Variants in PSG4 observed in about 807,000 individuals in gnomAD.
PSG4 encodes pregnancy specific beta-1-glycoprotein 4, also known as pregnancy-specific beta-1-glycoprotein 4.
PSG4 carries 61 observed loss-of-function variants against 44.3 expected under a neutral mutation model. The observed-to-expected ratio is 1.38, with a 90% CI of 1.12 to 1.70. The LOEUF (loss-of-function observed/expected upper bound fraction) is 1.70. PSG4 is among the 40% of genes most tolerant of loss of function. The probability of loss-of-function intolerance (pLI) is 0.00; values close to 1 mark genes in which losing one functional copy is unlikely to be tolerated. For missense variants in PSG4, 677 were observed against 511.7 expected (o/e 1.32, Z -3.12); for synonymous variants, 248 against 191.3 (o/e 1.30, Z -2.45).
chr19:43,193,376 G>A lies in PSG4; in HGVS notation c.1256C>T (p.Pro419Leu), dbSNP rs760415253. The change falls in exon 6 of 6, where the codon CCC (proline) becomes CTC (leucine). Residue 419 changes from proline (P) to leucine (L), a missense_variant. Physicochemically the swap from Pro to Leu is moderately conservative, Grantham distance 98. Coordinates refer to ENST00000405312, the MANE Select transcript of PSG4 (RefSeq NM_002780.5). ...ITVKVSDWIL[P>L] The stretch of plus-strand genomic sequence containing the variant: ...AATTGGAGGAACTAGTAGAATTCAG[G>A]GTAATATCCAGTCTACAGGTGGATA... 4 of 773,462 alleles carry A rather than the reference G, an allele frequency of 5.2e-6. No homozygotes were observed. Among genetic ancestry groups the A allele is most frequent in the Non-Finnish European group, 7.2e-6 (3 of 417,596 alleles). The allele number at this position is 773,462 out of a possible 1,614,324, so 47.9% of individuals were successfully genotyped here.
Position 43,193,313 on chromosome 19 carries a change from G to A in PSG4, c.*59C>T, listed in dbSNP as rs1313243441. On this transcript the variant is annotated 3_prime_UTR_variant, in exon 6 of 6. Transcript: ENST00000405312. ...CAGCTTATAGGGCTTCTGGAACAGA[G>A]TGGGTCTTGCTCTTCGTGATTCCAT... 1 of 774,818 alleles carries A rather than the reference G, an allele frequency of 1.3e-6. No individual in the cohort carries two copies. The highest frequency in any genetic ancestry group is 2.4e-5 in the East Asian group (1 of 41,258). 48.0% of individuals were successfully genotyped at this position (774,818 alleles called of 1,614,324 possible).
Position 43,198,254 on chromosome 19 carries a change from A to G in PSG4, c.452T>C (p.Ile151Thr), listed in dbSNP as rs779647600. The change falls in exon 3 of 6, where the codon ATC becomes ACC. Residue 151 changes from isoleucine to threonine, a missense_variant. Coordinates refer to ENST00000405312, the MANE Select transcript of PSG4 (RefSeq NM_002780.5). Reference sequence around the variant, plus strand: ...CCTGGGATTTAAGTTGCTGCTGGAGATGGAGGGCTTGGGAGTCTCCACTGT... The same window carrying G: ...CCTGGGATTTAAGTTGCTGCTGGAGGTGGAGGGCTTGGGAGTCTCCACTGT... The part of the protein sequence containing the change: ...TLHLETPKPS[I>T]SSSNLNPREA... 3 of 1,586,756 alleles carry G rather than the reference A, an allele frequency of 1.9e-6. 1 individual carries two copies. Among genetic ancestry groups the G allele is most frequent in the African/African-American group, 1.4e-5 (1 of 69,370 alleles).
chr19:43,194,701 G>C, intron 4 of PSG4, 107 bp from the exon 5 acceptor site: 2 of 1,494,338 alleles, frequency 1.3e-6, no homozygotes, highest in East Asian at 2.3e-5. Context: ...ACACCTTCAA[G>C]TCCCAGCCAA....
In PSG4 at chr19:43,198,106, C is replaced by T; in HGVS notation, c.600G>A (p.Arg200=). 6.3e-7 allele frequency: 1 copy of T among 1,587,520 alleles called. No homozygotes were observed. The highest frequency in any genetic ancestry group is 1.7e-5 in the Admixed American group (1 of 58,334). Residue 200 remains arginine, a synonymous_variant, in exon 3 of 6, where the codon AGG becomes AGA. Transcript: ENST00000405312. Reference sequence around the variant, plus strand: ...TTGTGACACCAAATATAAAGAGGGTCCTGTTGGTTTTGGACAGCTGCAACC... The same window carrying T: ...TTGTGACACCAAATATAAAGAGGGTTCTGTTGGTTTTGGACAGCTGCAACC... ...THRLQLSKTN[R]TLFIFGVTKY...
At position 43,200,742 on chromosome 19, in the gene PSG4, A is replaced by AT. The variant is rs1217127720; in HGVS notation, c.431-2468dup. Among the ~76,000 whole-genome samples, 5 of 144,938 alleles carry AT rather than the reference A, an allele frequency of 3.4e-5. No individual in the cohort carries two copies. In the East Asian group the frequency reaches 9.6e-4, roughly 28 times the overall value. On this transcript the variant is annotated intron_variant, in intron 2 of 5. Transcript: ENST00000405312. ...AGGCATCCGCCACCAAGCCCGGCTA[A>AT]TTTTTTGTATTTTTAGTAGAGACGG...
At chr19:43,199,047 C>G (rs1967388297) in intron 2 of PSG4, 1 of 146,248 alleles carries the variant, frequency 6.8e-6, no homozygotes, top group South Asian at 2.2e-4. Context: ...AGGTGAGGAC[C>G]ATGTGGATCT....
At chr19:43,196,557 G>A (rs1436784493) in intron 3 of PSG4, 2 of 151,686 alleles carry the variant, frequency 1.3e-5, no homozygotes, top group Middle Eastern at 3.4e-3. Flanking sequence ...AAATGCTTCA[G>A]TGAGCATTTC....
chr19:43,200,141 A>G lies in PSG4; in HGVS notation c.431-1866T>C, dbSNP rs571625746. 3.4e-5 allele frequency among the ~76,000 whole-genome samples: 5 copies of G among 145,696 alleles called. 1 individual carries two copies. Among genetic ancestry groups the G allele is most frequent in the South Asian group, 2.2e-4 (1 of 4,626 alleles). On this transcript the variant is annotated intron_variant, in intron 2 of 5. Transcript: ENST00000405312. ...TCTGTTAAGCTCAGGAAATACCACTAAAGTTTAAGTTTGTGTGAAATAGGA... is the reference window on the plus strand; with the variant it reads ...TCTGTTAAGCTCAGGAAATACCACTGAAGTTTAAGTTTGTGTGAAATAGGA...
chr19:43,204,854 T>C (rs753268021), intron 1 of PSG4: 6 of 425,594 alleles, frequency 1.4e-5, no homozygotes. Flanking sequence ...TTGAGGTTTC[T>C]TGCTGAGGAC....
At position 43,201,397 on chromosome 19, in the gene PSG4, A is replaced by G. The variant is rs1312770578; in HGVS notation, c.430+2489T>C. On this transcript the variant is annotated intron_variant, in intron 2 of 5. Coordinates refer to ENST00000405312, the MANE Select transcript of PSG4 (RefSeq NM_002780.5). ...AGTTTATGTAATCCCTGACTGCTCC[A>G]GTGTCATTTGGCAAGAGTTTACAAA... Among the ~76,000 whole-genome samples, 8 of 145,678 alleles carry G rather than the reference A, an allele frequency of 5.5e-5. 1 individual carries two copies. Among genetic ancestry groups the G allele is most frequent in the African/African-American group, 1.6e-4 (6 of 38,008 alleles).
chr19:43,195,093 A>T lies in PSG4; in HGVS notation c.890T>A (p.Leu297Gln). 6.2e-7 allele frequency: 1 copy of T among 1,611,104 alleles called. No homozygotes were observed. The highest frequency in any genetic ancestry group is 8.5e-7 in the Non-Finnish European group (1 of 1,179,080). ...KRPIENRILI[L>Q]PNVTRNETGP... ...TGTTTCATTTCTCGTGACATTGGGT[A>T]GAATGAGGATCCTGTTTTCAATGGG... is the stretch of plus-strand genomic sequence containing the variant. The change falls in exon 4 of 6, where the codon CTA (leucine) becomes CAA (glutamine). Residue 297 changes from leucine (L) to glutamine (Q), a missense_variant. Leu to Gln is a moderately radical substitution (Grantham distance 113, BLOSUM62 -2). Coordinates refer to ENST00000405312, the MANE Select transcript of PSG4 (RefSeq NM_002780.5).
At chr19:43,194,830 G>A in intron 4 of PSG4, 165 bp downstream of exon 4, 1 of 1,469,666 alleles carries the variant, frequency 6.8e-7, no homozygotes, top group Non-Finnish European at 9.1e-7. Flanking sequence ...TCTTGGTTAA[G>A]GCTGTGCCTA....
intron 3 of PSG4, among the ~76,000 whole-genome samples, chr19:43,197,436 T>A (rs929832010): frequency 6.9e-6 from 1 of 145,204 alleles, no homozygotes; most frequent in Non-Finnish European, 1.5e-5. Flanking sequence ...TTTTAGTGAT[T>A]TGGGGGATAA....
intron 2 of PSG4, among the ~76,000 whole-genome samples, chr19:43,199,352 A>G (rs1249342347): frequency 6.9e-6 from 1 of 145,328 alleles, no homozygotes; most frequent in Non-Finnish European, 1.5e-5. Flanking sequence ...ATGGTTGTGC[A>G]TTTTCAGTTA....
At position 43,204,836 on chromosome 19, in the gene PSG4, C is replaced by T. The variant is rs767435854; in HGVS notation, c.65-585G>A. 3.5e-5 allele frequency: 15 copies of T among 426,530 alleles called. 1 individual carries two copies. Among genetic ancestry groups the T allele is most frequent in the Non-Finnish European group, 6.5e-5 (14 of 213,748 alleles). 26.4% of individuals were successfully genotyped at this position (426,530 alleles called of 1,614,324 possible). A position where few individuals can be genotyped will look rare whatever the true frequency, so the allele number is the denominator to read the frequency against. On this transcript the variant is annotated intron_variant, in intron 1 of 5. Transcript: ENST00000405312. ...CACCCTCTGGATGTTTCTTTTTCCC[C>T]CCAATTGTTGAGGTTTCTTGCTGAG...
chr19:43,200,109 T>G (rs1967435590), intron 2 of PSG4, among the ~76,000 whole-genome samples: 1 of 145,936 alleles, frequency 6.9e-6, no homozygotes, highest in Non-Finnish European at 1.5e-5. Context: ...GAATGCTTTC[T>G]TCATTTTCTG....
intron 2 of PSG4, among the ~76,000 whole-genome samples, chr19:43,199,668 G>A (rs35958981): frequency 0.27 from 38,104 of 143,730 alleles, 8,021 homozygotes; most frequent in African/African-American, 0.3. Flanking sequence ...TAATTTTCCC[G>A]TAAAAAGTTG....
intron 2 of PSG4, among the ~76,000 whole-genome samples, chr19:43,202,040 T>A (rs1221820708): frequency 6.9e-6 from 1 of 145,126 alleles, no homozygotes; most frequent in Non-Finnish European, 1.5e-5. Flanking sequence ...CCAGGTGATT[T>A]CTGCACCTTT....
At chr19:43,195,732 A>G (rs1967217147) in intron 3 of PSG4, among the ~76,000 whole-genome samples, 2 of 150,998 alleles carry the variant, frequency 1.3e-5, no homozygotes, top group South Asian at 4.2e-4. Context: ...GGGACTTCCC[A>G]TTGTCCTGAA....
Sources: gnomAD v4.1 joint callset for allele counts (sites outside exome capture counted in the v4.1 genomes callset) on GRCh38, gnomAD v4.1.1 for gene constraint, MANE v1.5 for transcripts, NCBI Gene and HGNC (gene_info 2026-07-23, HGNC 2026-07-21) for gene names.